Variants in MAML3 observed in about 807,000 individuals in gnomAD.
The protein encoded by MAML3 is mastermind-like protein 3.
Under a neutral mutation model 101.9 loss-of-function variants are expected in MAML3, and 27 were observed. The ratio of observed to expected loss-of-function variants is 0.27; its 90% CI spans 0.20 to 0.37. The LOEUF (loss-of-function observed/expected upper bound fraction) is 0.37. MAML3 is among the 10% of genes least tolerant of loss of function. The pLI, the probability that MAML3 is intolerant of heterozygous loss-of-function variation, is 1.00. For synonymous variants in MAML3, 501 were observed against 555.9 expected (o/e 0.90, Z 1.39); for missense variants, 1,316 against 1,444.9 (o/e 0.91, Z 1.45).
intron 1 of MAML3, among the ~76,000 whole-genome samples, chr4:140,126,870 CCT>C (rs1053893865): frequency 1.6e-4 from 24 of 152,316 alleles, no homozygotes; most frequent in African/African-American, 5.3e-4. Flanking sequence ...CTCAGTCCCC[CCT>C]GTCTACTCAA....
At chr4:140,065,657 T>G (rs917310046) in intron 1 of MAML3, among the ~76,000 whole-genome samples, 3 of 152,228 alleles carry the variant, frequency 2.0e-5, no homozygotes, top group Non-Finnish European at 4.4e-5. Context: ...GAACCCACTC[T>G]GGAACAGACC....
chr4:139,994,035 G>T (rs1048275426), intron 1 of MAML3, among the ~76,000 whole-genome samples: 9 of 152,160 alleles, frequency 5.9e-5, no homozygotes, highest in African/African-American at 2.2e-4. Flanking sequence ...CATGTGACAT[G>T]GGGGTCTACT....
At chr4:139,807,299 GTGTGTA>G (rs1730719203) in intron 2 of MAML3, among the ~76,000 whole-genome samples, 1 of 152,084 alleles carries the variant, frequency 6.6e-6, no homozygotes, top group Non-Finnish European at 1.5e-5. Flanking sequence ...GTGTGTGTGT[GTGTGTA>G]TGTCTGAGTT....
chr4:139,929,660 G>A (rs943265835), intron 1 of MAML3, among the ~76,000 whole-genome samples: 2 of 152,180 alleles, frequency 1.3e-5, no homozygotes, highest in Admixed American at 6.5e-5. Flanking sequence ...TGTGCTTGCC[G>A]GAGACTATCT....
intron 1 of MAML3, among the ~76,000 whole-genome samples, chr4:140,146,175 C>A (rs1463061995): frequency 6.6e-6 from 1 of 152,024 alleles, no homozygotes; most frequent in Non-Finnish European, 1.5e-5. Context: ...GCCCGGCCAC[C>A]TTTTGAGATT....
At chr4:139,721,231 A>C (rs1728221599) in intron 4 of MAML3, among the ~76,000 whole-genome samples, 1 of 152,180 alleles carries the variant, frequency 6.6e-6, no homozygotes, top group African/African-American at 2.4e-5. Flanking sequence ...TTCAACCTTA[A>C]TTAGGCATTT....
chr4:140,021,123 T>G (rs1238403509), intron 1 of MAML3, among the ~76,000 whole-genome samples: 1 of 152,226 alleles, frequency 6.6e-6, no homozygotes, highest in Non-Finnish European at 1.5e-5. Flanking sequence ...TCTGTAGCTA[T>G]AGCCATATGA....
intron 2 of MAML3, among the ~76,000 whole-genome samples, chr4:139,855,253 T>C (rs1731636470): frequency 6.6e-6 from 1 of 152,190 alleles, no homozygotes; most frequent in Non-Finnish European, 1.5e-5. Context: ...TGGTGTATAA[T>C]AAATCTCAGG....
At chr4:139,897,944 TTC>T (rs987786612) in intron 1 of MAML3, among the ~76,000 whole-genome samples, 1 of 152,218 alleles carries the variant, frequency 6.6e-6, no homozygotes, top group African/African-American at 2.4e-5. Flanking sequence ...CACATTTGTT[TTC>T]TCTCTTTCTG....
At chr4:139,954,872 C>T (rs1245526454) in intron 1 of MAML3, among the ~76,000 whole-genome samples, 1 of 149,488 alleles carries the variant, frequency 6.7e-6, no homozygotes, top group African/African-American at 2.5e-5. Context: ...TACCTGTATA[C>T]CATAAATATA....
intron 2 of MAML3, chr4:139,888,680 T>C: frequency 1.9e-6 from 1 of 518,862 alleles, no homozygotes; most frequent in South Asian, 1.4e-5. Flanking sequence ...AATACAGCAC[T>C]AAGATATATT....
chr4:140,136,899 G>A (rs1175387929), intron 1 of MAML3, among the ~76,000 whole-genome samples: 2 of 152,200 alleles, frequency 1.3e-5, no homozygotes, highest in Admixed American at 1.3e-4. Context: ...TAGCACCAGT[G>A]GCTGGGTTGC....
chr4:140,123,883 T>G (rs990145368), intron 1 of MAML3, among the ~76,000 whole-genome samples: 1 of 152,142 alleles, frequency 6.6e-6, no homozygotes, highest in Non-Finnish European at 1.5e-5. Context: ...TTGTAAGGCT[T>G]CTGAGGTGGT....
At chr4:140,045,586 C>T (rs1436643300) in intron 1 of MAML3, among the ~76,000 whole-genome samples, 2 of 151,960 alleles carry the variant, frequency 1.3e-5, no homozygotes, top group African/African-American at 2.4e-5. Context: ...AGCTAATCTC[C>T]TGTGGTTGGA....
chr4:139,930,554 G>T (rs985070149), intron 1 of MAML3, among the ~76,000 whole-genome samples: 7 of 152,160 alleles, frequency 4.6e-5, no homozygotes, highest in Admixed American at 3.9e-4. Context: ...GGGTTGGCAG[G>T]ATTGAAGGGT....
intron 2 of MAML3, among the ~76,000 whole-genome samples, chr4:139,870,838 T>C (rs956182654): frequency 1.3e-5 from 2 of 152,190 alleles, no homozygotes; most frequent in Non-Finnish European, 2.9e-5. Context: ...TAAAACAATT[T>C]CTCACTATGA....
chr4:139,756,362 G>A (rs1397084223), intron 2 of MAML3, among the ~76,000 whole-genome samples: 2 of 152,112 alleles, frequency 1.3e-5, no homozygotes, highest in Non-Finnish European at 2.9e-5. Context: ...GCTCCATCAA[G>A]ACACAGGAAC....
intron 1 of MAML3, among the ~76,000 whole-genome samples, chr4:140,152,564 CTT>C (rs1560910285): frequency 1.3e-5 from 2 of 151,838 alleles, no homozygotes; most frequent in East Asian, 2.0e-4. Flanking sequence ...AGGGGGGAAA[CTT>C]TTCCAGCACC....
intron 2 of MAML3, among the ~76,000 whole-genome samples, chr4:139,828,992 AG>A (rs1296633783): frequency 1.5e-5 from 2 of 130,930 alleles, no homozygotes; most frequent in African/African-American, 5.8e-5. Flanking sequence ...GAAGGAAGGA[AG>A]GAAGGAAGGA....
Sources: gnomAD v4.1 joint callset for allele counts (sites outside exome capture counted in the v4.1 genomes callset) on GRCh38, gnomAD v4.1.1 for gene constraint, MANE v1.5 for transcripts, NCBI Gene and HGNC (gene_info 2026-07-23, HGNC 2026-07-21) for gene names.